SPPL2B: variants seen among roughly 807,000 people sequenced by gnomAD.
The protein encoded by SPPL2B is signal peptide peptidase-like 2B.
A neutral mutation model predicts 59.7 loss-of-function variants in SPPL2B; 39 were observed. The observed-to-expected ratio is 0.65, with a 90% confidence interval of 0.51 to 0.85. The LOEUF is 0.85. Among genes scored for constraint, SPPL2B ranks in the 40% least tolerant of loss-of-function variants. The pLI, the probability that SPPL2B is intolerant of heterozygous loss-of-function variation, is 0.00. For missense variants in SPPL2B, 865 were observed against 849.0 expected, an observed-to-expected ratio of 1.02 and a Z score of -0.23; for synonymous variants, 419 against 370.8, an observed-to-expected ratio of 1.13 and a Z score of -1.49.
chr19:2,353,668 C>T lies in SPPL2B; in HGVS notation c.*459C>T. On this transcript the variant is annotated 3_prime_UTR_variant, in exon 15 of 15. Transcript: ENST00000613503. ...GCTTTCTGTCTCCCAGAAGGCATCGCTTTTCCCTCTTGAGCAGATCGGAGC... is the reference window on the plus strand; with the variant it reads ...GCTTTCTGTCTCCCAGAAGGCATCGTTTTTCCCTCTTGAGCAGATCGGAGC... 5.8e-6 allele frequency: 1 copy of T among 172,862 alleles called. No homozygotes were observed. The highest frequency in any genetic ancestry group is 1.2e-5 in the Non-Finnish European group (1 of 80,856). The allele number at this position is 172,862 out of a possible 1,614,324, so 10.7% of individuals were successfully genotyped here.
At chr19:2,345,180 C>T (rs760465457) in intron 12 of SPPL2B, 73 bp from the exon 13 acceptor site, 200 of 1,370,210 alleles carry the variant, frequency 1.5e-4, no homozygotes, top group Non-Finnish European at 1.8e-4. Context: ...CTCAGGTGCC[C>T]GCCCGCTCCC....
intron 2 of SPPL2B, among the ~76,000 whole-genome samples, chr19:2,336,929 G>A (rs1968675470): frequency 1.3e-5 from 2 of 149,176 alleles, no homozygotes; most frequent in African/African-American, 5.0e-5. Flanking sequence ...GTATGCATGT[G>A]TGTGCCGTGT....
At chr19:2,341,633 C>T (rs977034716) in intron 8 of SPPL2B, 1 of 455,804 alleles carries the variant, frequency 2.2e-6, no homozygotes, top group African/African-American at 2.0e-5. Flanking sequence ...TTCCTCCCAG[C>T]CTTCCTGAGG....
intron 9 of SPPL2B, 144 bp from the exon 10 acceptor site, chr19:2,343,821 G>T (rs1325274132): frequency 1.6e-6 from 1 of 632,110 alleles, no homozygotes; most frequent in Non-Finnish European, 2.8e-6. Context: ...AGCTCCTCCT[G>T]CGTGGTGCGT....
chr19:2,328,869 G>A, intron 1 of SPPL2B, 94 bp downstream of exon 1: 2 of 1,107,678 alleles, frequency 1.8e-6, no homozygotes, highest in Non-Finnish European at 2.3e-6. Context: ...CGCTCGGCCC[G>A]TCTTGGGGGT....
chr19:2,328,722 G>T lies in SPPL2B; in HGVS notation c.13G>T (p.Val5Leu). 6.9e-7 allele frequency: 1 copy of T among 1,452,654 alleles called. No homozygotes were observed. Among genetic ancestry groups the T allele is most frequent in the Non-Finnish European group, 9.0e-7 (1 of 1,111,352 alleles). The allele number at this position is 1,452,654 out of a possible 1,614,324, so 90.0% of individuals were successfully genotyped here. MAAA[V>L]AAALARLLAA... ...GGCACCGGCCGACATGGCGGCAGCG[G>T]TGGCGGCTGCGCTGGCGCGGCTTTT... is the stretch of plus-strand genomic sequence containing the variant. The change falls in exon 1 of 15, where the codon GTG becomes TTG. Residue 5 changes from valine (V) to leucine (L), a missense_variant. Val to Leu is a conservative substitution (Grantham distance 32, BLOSUM62 1). Transcript: ENST00000613503.
intron 13 of SPPL2B, among the ~76,000 whole-genome samples, chr19:2,349,013 A>G: frequency 8.4e-6 from 1 of 119,474 alleles, no homozygotes; most frequent in African/African-American, 3.4e-5. Flanking sequence ...CATTCGCTTG[A>G]TTCCGTTCTC....
At chr19:2,340,374 G>A (rs1599221045) in intron 7 of SPPL2B, 8 of 607,758 alleles carry the variant, frequency 1.3e-5, no homozygotes, top group East Asian at 5.7e-5. Flanking sequence ...GCAGCCAGGC[G>A]CCAGGGGTGG....
chr19:2,336,264 G>A (rs1006476596), intron 2 of SPPL2B, among the ~76,000 whole-genome samples: 7 of 129,888 alleles, frequency 5.4e-5, no homozygotes, highest in Non-Finnish European at 9.4e-5. Context: ...TTTTGTGTAT[G>A]GATGTGTGAG....
chr19:2,351,557 G>A lies in SPPL2B; in HGVS notation c.1478G>A (p.Arg493Gln), dbSNP rs376645504. The A allele has an allele frequency of 1.3e-5, 21 of 1,611,268 alleles. No homozygotes were observed. Among genetic ancestry groups the A allele is most frequent in the Middle Eastern group, 1.6e-4 (1 of 6,078 alleles). The change falls in exon 14 of 15, where the codon CGG becomes CAG. Residue 493 changes from arginine to glutamine, a missense_variant. Coordinates refer to ENST00000613503, the MANE Select transcript of SPPL2B (RefSeq NM_152988.3). ...AGCTGCGCTGTGGCGCTCTGGCGCC[G>A]GGAGCTGGGCGTGTTCTGGACGGGC... is the stretch of plus-strand genomic sequence containing the variant. ...VTSCAVALWR[R>Q]ELGVFWTGSG...
At position 2,354,778 on chromosome 19, in the gene SPPL2B, A is replaced by G. The variant is rs1309686206; in HGVS notation, c.*1569A>G. ...TGTGGCCTTGCTGCCATTCCGTCTGATCATTAAACACAGCTTTTGATACAT... is the reference window on the plus strand; with the variant it reads ...TGTGGCCTTGCTGCCATTCCGTCTGGTCATTAAACACAGCTTTTGATACAT... On this transcript the variant is annotated 3_prime_UTR_variant, in exon 15 of 15. Coordinates refer to ENST00000613503, the MANE Select transcript of SPPL2B (RefSeq NM_152988.3). 1.3e-5 allele frequency: 2 copies of G among 152,340 alleles called. No individual in the cohort carries two copies. The highest frequency in any genetic ancestry group is 2.9e-5 in the Non-Finnish European group (2 of 68,196). The allele number at this position is 152,340 out of a possible 1,614,324, so 9.4% of individuals were successfully genotyped here. A position where few individuals can be genotyped will look rare whatever the true frequency, so the allele number is the denominator to read the frequency against.
chr19:2,347,321 ACGCG>A (rs1347366447), intron 13 of SPPL2B, among the ~76,000 whole-genome samples: 2 of 84,806 alleles, frequency 2.4e-5, no homozygotes, highest in African/African-American at 4.6e-5. Flanking sequence ...ACACACACTC[ACGCG>A]CTCTCATTCG....
At position 2,332,722 on chromosome 19, in the gene SPPL2B, T is replaced by G. The variant is rs1479660913; in HGVS notation, c.67-1880T>G. Reference sequence around the variant, plus strand: ...GTGGGTCTCCTTGGTCCCTGGCACGTGGTTTTTCTTCTGGGACCCCTCCTC... The same window carrying G: ...GTGGGTCTCCTTGGTCCCTGGCACGGGGTTTTTCTTCTGGGACCCCTCCTC... On this transcript the variant is annotated intron_variant, in intron 1 of 14. Coordinates refer to ENST00000613503, the MANE Select transcript of SPPL2B (RefSeq NM_152988.3). The surrounding 1 kb of genome is among the most constrained non-coding windows in gnomAD (Gnocchi z 4.6). Among the ~76,000 whole-genome samples the G allele has an allele frequency of 1.3e-5, 2 of 152,104 alleles. No individual in the cohort carries two copies. Among genetic ancestry groups the G allele is most frequent in the African/African-American group, 4.8e-5 (2 of 41,398 alleles).
chr19:2,351,044 T>C (rs982488346), intron 13 of SPPL2B, among the ~76,000 whole-genome samples: 14 of 152,200 alleles, frequency 9.2e-5, no homozygotes, highest in Non-Finnish European at 1.8e-4. Flanking sequence ...GTCAGGCACA[T>C]GTGTCACCTT....
In SPPL2B at chr19:2,344,385, G is replaced by C. The variant is rs763521712; in HGVS notation, c.1137G>C (p.Glu379Asp). Residue 379 changes from glutamate to aspartate, a missense_variant, in exon 11 of 15, where the codon GAG becomes GAC. Coordinates refer to ENST00000613503, the MANE Select transcript of SPPL2B (RefSeq NM_152988.3). Reference sequence around the variant, plus strand: ...AGAGTGGGAGCAGCATCATGGTGGAGGTGGCCACTGGGCCCTCGGACTCAG... The same window carrying C: ...AGAGTGGGAGCAGCATCATGGTGGACGTGGCCACTGGGCCCTCGGACTCAG... The part of the protein sequence containing the change: ...LTKSGSSIMV[E>D]VATGPSDSAT... 1.9e-6 allele frequency: 3 copies of C among 1,563,280 alleles called. No homozygotes were observed. The East Asian group carries it at 7.1e-5, about 37-fold the overall frequency.
intron 1 of SPPL2B, among the ~76,000 whole-genome samples, chr19:2,329,537 C>T (rs889867299): frequency 2.0e-5 from 3 of 152,178 alleles, no homozygotes; most frequent in African/African-American, 7.2e-5. Flanking sequence ...TCCAAATCTT[C>T]CCTCTCTCCT....
chr19:2,332,714 C>T lies in SPPL2B; in HGVS notation c.67-1888C>T, dbSNP rs535052301. 3.3e-5 allele frequency among the ~76,000 whole-genome samples: 5 copies of T among 152,306 alleles called. No individual in the cohort carries two copies. In the East Asian group the frequency reaches 9.7e-4, roughly 29 times the overall value. On this transcript the variant is annotated intron_variant, in intron 1 of 14. Transcript: ENST00000613503. This position sits in a 1 kb window ranked among gnomAD's most constrained non-coding sequence, Gnocchi z 4.6. ...GGCATGGGGTGGGTCTCCTTGGTCC[C>T]TGGCACGTGGTTTTTCTTCTGGGAC...
intron 6 of SPPL2B, 25 bp downstream of exon 6, chr19:2,339,991 C>G (rs371763993): frequency 6.4e-7 from 1 of 1,552,002 alleles, no homozygotes. Flanking sequence ...GCGGGTGGGC[C>G]GCGGCGTGGA....
chr19:2,349,756 C>CTCACAT (rs1233745025), intron 13 of SPPL2B, among the ~76,000 whole-genome samples: 6 of 142,878 alleles, frequency 4.2e-5, no homozygotes, highest in Admixed American at 6.8e-5. Context: ...CACACACATG[C>CTCACAT]GCTCTCATTT....
Sources: allele counts gnomAD v4.1 joint callset (sites outside exome capture counted in the v4.1 genomes callset), GRCh38; gene constraint gnomAD v4.1.1; non-coding constraint Gnocchi (gnomAD v3.1); transcripts MANE v1.5; gene names NCBI Gene and HGNC (gene_info 2026-07-23, HGNC 2026-07-21).